PROM1: variants seen among roughly 807,000 people sequenced by gnomAD.
The protein encoded by PROM1 is prominin-1.
Under a neutral mutation model 116.9 loss-of-function variants are expected in PROM1, and 105 were observed. That is an observed-to-expected ratio of 0.90 (90% confidence interval 0.77 to 1.06). PROM1 has a LOEUF of 1.06. Among genes scored for constraint, PROM1 ranks in the 50% least tolerant of loss-of-function variants. The pLI, the probability that PROM1 is intolerant of heterozygous loss-of-function variation, is 0.00. For missense variants in PROM1, 1,122 were observed against 1,045.2 expected (o/e 1.07, Z -1.01); for synonymous variants, 393 against 387.0 (o/e 1.02, Z -0.18).
intron 5 of PROM1, among the ~76,000 whole-genome samples, chr4:16,030,430 G>GA (rs200946884): frequency 8.5e-4 from 130 of 152,134 alleles, no homozygotes; most frequent in South Asian, 3.7e-3. Flanking sequence ...CTTGGGTGGG[G>GA]AAAAAAATTG....
At position 15,979,915 on chromosome 4, in the gene PROM1, CA is replaced by C; in HGVS notation, c.2490-12del. The C allele has an allele frequency of 7.4e-7, 1 of 1,348,474 alleles. No individual in the cohort carries two copies. The highest frequency in any genetic ancestry group is 1.0e-6 in the Non-Finnish European group (1 of 995,858). The allele number at this position is 1,348,474 out of a possible 1,614,324, so 83.5% of individuals were successfully genotyped here. Reference sequence around the variant, plus strand: ...GGTATAGTTTCAACACTATAAAATACAAAAAAGGGAGATAAAATTAATTTTT... The same window carrying C: ...GGTATAGTTTCAACACTATAAAATACAAAAAGGGAGATAAAATTAATTTTT... On this transcript the variant is annotated splice_polypyrimidine_tract_variant and intron_variant, in intron 24 of 27. Coordinates refer to ENST00000447510, the MANE Select transcript of PROM1 (RefSeq NM_006017.3).
At chr4:16,042,288 A>C (rs1735494579) in intron 2 of PROM1, among the ~76,000 whole-genome samples, 1 of 152,254 alleles carries the variant, frequency 6.6e-6, no homozygotes, top group Non-Finnish European at 1.5e-5. Flanking sequence ...TAACGTGATC[A>C]GTAAGGATAT....
At chr4:16,069,888 G>A (rs1742415017) in intron 2 of PROM1, among the ~76,000 whole-genome samples, 1 of 152,182 alleles carries the variant, frequency 6.6e-6, no homozygotes, top group Non-Finnish European at 1.5e-5. Context: ...ACACAACTGA[G>A]GTACAGGAAC....
intron 2 of PROM1, chr4:16,055,183 T>C: frequency 3.3e-6 from 1 of 306,076 alleles, no homozygotes; most frequent in South Asian, 2.9e-5. Flanking sequence ...AGCATTCTCC[T>C]AGGCAAGACT....
At chr4:16,012,791 A>C (rs1727220240) in intron 11 of PROM1, among the ~76,000 whole-genome samples, 1 of 150,368 alleles carries the variant, frequency 6.7e-6, no homozygotes, top group Non-Finnish European at 1.5e-5. Flanking sequence ...GAATGGCGTG[A>C]ACCCGGGAGG....
intron 11 of PROM1, among the ~76,000 whole-genome samples, chr4:16,010,155 C>T (rs895099256): frequency 5.9e-5 from 9 of 152,036 alleles, no homozygotes; most frequent in African/African-American, 1.9e-4. Context: ...TTTGCTCAGT[C>T]GTAATTTCTC....
rs147019730 is a variant in PROM1, at chr4:16,051,291, T to C, written c.221-12290A>G. Among the ~76,000 whole-genome samples, 689 of 152,346 alleles carry C rather than the reference T, an allele frequency of 4.5e-3. 4 individuals are homozygous for C. The highest frequency in any genetic ancestry group is 0.016 in the African/African-American group (650 of 41,584). ...GATGAGGAAAGACAGGCAATTACCA[T>C]AGCAGTTAGGAGCAGAGAACTCCAG... On this transcript the variant is annotated intron_variant, in intron 2 of 27. Coordinates refer to ENST00000447510, the MANE Select transcript of PROM1 (RefSeq NM_006017.3).
intron 2 of PROM1, among the ~76,000 whole-genome samples, chr4:16,039,457 G>A (rs991232429): frequency 1.1e-4 from 17 of 152,202 alleles, no homozygotes; most frequent in Admixed American, 9.2e-4. Flanking sequence ...ACTCAACCCG[G>A]CAGGATGCCG....
At chr4:15,987,058 T>C (rs1719611055) in intron 20 of PROM1, among the ~76,000 whole-genome samples, 1 of 152,230 alleles carries the variant, frequency 6.6e-6, no homozygotes, top group Admixed American at 6.5e-5. Flanking sequence ...GATATGCTCC[T>C]TGGATGGCTT....
chr4:15,990,751 T>A (rs886335073), intron 18 of PROM1, among the ~76,000 whole-genome samples: 1 of 152,208 alleles, frequency 6.6e-6, no homozygotes, highest in Non-Finnish European at 1.5e-5. Flanking sequence ...CCATAAGGCA[T>A]GCCCGCCAGC....
intron 8 of PROM1, 73 bp downstream of exon 8, chr4:16,023,253 A>T: frequency 6.0e-6 from 8 of 1,322,980 alleles, no homozygotes; most frequent in Non-Finnish European, 8.5e-6. Context: ...GAACAAGAAA[A>T]GAGTGAGCAA....
At chr4:16,056,025 A>C (rs1245663351) in intron 2 of PROM1, among the ~76,000 whole-genome samples, 1 of 151,922 alleles carries the variant, frequency 6.6e-6, no homozygotes, top group Admixed American at 6.6e-5. Flanking sequence ...GGCAGAGGAG[A>C]GTTCAGGGTA....
chr4:16,029,795 T>C (rs1222696454), intron 5 of PROM1, among the ~76,000 whole-genome samples: 1 of 152,220 alleles, frequency 6.6e-6, no homozygotes, highest in African/African-American at 2.4e-5. Context: ...TGGACTGCTC[T>C]GGGTTTCTGA....
chr4:16,056,433 C>A (rs551681404), intron 2 of PROM1, among the ~76,000 whole-genome samples: 1 of 152,018 alleles, frequency 6.6e-6, no homozygotes, highest in African/African-American at 2.4e-5. Flanking sequence ...GGGCACCACT[C>A]CAGATTCTGG....
chr4:16,053,084 A>C (rs142228538), intron 2 of PROM1, among the ~76,000 whole-genome samples: 31 of 152,378 alleles, frequency 2.0e-4, no homozygotes, highest in African/African-American at 7.5e-4. Flanking sequence ...TGTCATAACA[A>C]TGCGAAATGT....
intron 2 of PROM1, among the ~76,000 whole-genome samples, chr4:16,057,512 G>A (rs1434410587): frequency 6.6e-6 from 1 of 152,156 alleles, no homozygotes; most frequent in Non-Finnish European, 1.5e-5. Flanking sequence ...TGGCTCCCAG[G>A]GTGAGCTAAG....
chr4:15,987,704 G>C lies in PROM1; in HGVS notation c.2089C>G (p.Gln697Glu). Residue 697 changes from glutamine to glutamate, a missense_variant, in exon 20 of 28, where the codon CAA becomes GAA. Coordinates refer to ENST00000447510, the MANE Select transcript of PROM1 (RefSeq NM_006017.3). Reference sequence around the variant, plus strand: ...GTGCGTTGAAGTATCTTGACGCTTTGGTATAGAGTGCTCTGGCAAGAAACA... The same window carrying C: ...GTGCGTTGAAGTATCTTGACGCTTTCGTATAGAGTGCTCTGGCAAGAAACA... Reference protein sequence around the residue: ...PIEQSLSTLYQSVKILQRTGN... With the variant: ...PIEQSLSTLYESVKILQRTGN... The C allele has an allele frequency of 1.2e-6, 2 of 1,610,174 alleles. No individual in the cohort carries two copies. Among genetic ancestry groups the C allele is most frequent in the Non-Finnish European group, 1.7e-6 (2 of 1,178,628 alleles).
chr4:16,016,257 C>T lies in PROM1; in HGVS notation c.1003-17G>A, dbSNP rs1174977107. 1 of 1,541,142 alleles carries T rather than the reference C, an allele frequency of 6.5e-7. No homozygotes were observed. Among genetic ancestry groups the T allele is most frequent in the East Asian group, 2.4e-5 (1 of 40,844 alleles). On this transcript the variant is annotated splice_polypyrimidine_tract_variant and intron_variant, in intron 9 of 27. Coordinates refer to ENST00000447510, the MANE Select transcript of PROM1 (RefSeq NM_006017.3). Reference sequence around the variant, plus strand: ...GGGTGGAAGCTGAAAATTTATAAAACAAAATATAAGACAAGGTTGTTACCT... The same window carrying T: ...GGGTGGAAGCTGAAAATTTATAAAATAAAATATAAGACAAGGTTGTTACCT...
At chr4:16,058,586 G>A (rs182278781) in intron 2 of PROM1, among the ~76,000 whole-genome samples, 22 of 151,444 alleles carry the variant, frequency 1.5e-4, no homozygotes, top group African/African-American at 3.9e-4. Flanking sequence ...GGCAGAGGTT[G>A]CAGCGAGCCA....
Sources: allele counts gnomAD v4.1 joint callset (sites outside exome capture counted in the v4.1 genomes callset), GRCh38; gene constraint gnomAD v4.1.1; transcripts MANE v1.5; gene names NCBI Gene and HGNC (gene_info 2026-07-23, HGNC 2026-07-21).